HNMT: variants seen among roughly 807,000 people sequenced by gnomAD.
The protein encoded by HNMT is histamine N-methyltransferase.
HNMT carries 30 observed loss-of-function variants against 32.1 expected under a neutral mutation model. The observed-to-expected ratio is 0.93, with a 90% confidence interval of 0.70 to 1.27. HNMT has a LOEUF of 1.27. Among genes scored for constraint, HNMT ranks in the 50% most tolerant of loss-of-function variants. HNMT has a pLI of 0.00. For synonymous variants in HNMT, 125 were observed against 119.0 expected, an observed-to-expected ratio of 1.05 and a Z score of -0.33; for missense variants, 327 against 346.0, an observed-to-expected ratio of 0.95 and a Z score of 0.43.
rs780303261 is a variant in HNMT, at chr2:137,964,496, C to T, written c.5C>T (p.Ala2Val). Residue 2 changes from alanine (A) to valine (V), a missense_variant, in exon 1 of 6, where the codon GCA becomes GTA. Coordinates refer to ENST00000280097, the MANE Select transcript of HNMT (RefSeq NM_006895.3). M[A>V]SSMRSLFSDH... ...GTCTTTCTCAGAAAACCAAATATGG[C>T]ATCTTCCATGAGGAGCTTGTTTTCT... 1 of 1,612,396 alleles carries T rather than the reference C, an allele frequency of 6.2e-7. No homozygotes were observed. The highest frequency in any genetic ancestry group is 2.2e-5 in the East Asian group (1 of 44,756).
Position 137,984,857 on chromosome 2 carries a change from G to A in HNMT, c.190+14640G>A, listed in dbSNP as rs547946289. On this transcript the variant is annotated intron_variant, in intron 2 of 5. Transcript: ENST00000280097. ...AGTTATATTTTCCCATTTTGTAGAT[G>A]AGCAAATGAGTTCAGGAGAGATTTA... Among the ~76,000 whole-genome samples the A allele has an allele frequency of 1.4e-4, 21 of 152,190 alleles. 1 individual carries two copies. The highest frequency in any genetic ancestry group is 4.8e-4 in the African/African-American group (20 of 41,540).
At chr2:137,998,226 A>T (rs1249150063) in intron 2 of HNMT, among the ~76,000 whole-genome samples, 2 of 152,230 alleles carry the variant, frequency 1.3e-5, no homozygotes, top group Non-Finnish European at 2.9e-5. Context: ...TTAGAGAATT[A>T]GTTGGAAAGA....
chr2:138,013,463 A>G (rs924326345), intron 5 of HNMT, among the ~76,000 whole-genome samples: 1 of 152,030 alleles, frequency 6.6e-6, no homozygotes, highest in Non-Finnish European at 1.5e-5. Context: ...TCCCCCTGAT[A>G]TCTCCATGTC....
At chr2:137,990,911 C>T (rs923031527) in intron 2 of HNMT, among the ~76,000 whole-genome samples, 8 of 152,072 alleles carry the variant, frequency 5.3e-5, no homozygotes, top group African/African-American at 1.9e-4. Context: ...AATGTCAGAT[C>T]CCACAGGTTG....
chr2:137,995,116 C>G (rs1252494667), intron 2 of HNMT, among the ~76,000 whole-genome samples: 1 of 151,398 alleles, frequency 6.6e-6, no homozygotes, highest in African/African-American at 2.4e-5. Context: ...GTTATAGAGG[C>G]AAGAACAAAT....
At chr2:137,977,475 G>T (rs773507675) in intron 2 of HNMT, among the ~76,000 whole-genome samples, 24 of 152,064 alleles carry the variant, frequency 1.6e-4, no homozygotes, top group Non-Finnish European at 1.2e-4. Context: ...GATTGGGGGG[G>T]TTGCAGGGAT....
At chr2:137,997,872 G>C (rs1681043262) in intron 2 of HNMT, among the ~76,000 whole-genome samples, 2 of 152,140 alleles carry the variant, frequency 1.3e-5, no homozygotes, top group Non-Finnish European at 2.9e-5. Flanking sequence ...CCTTCACAGG[G>C]ACATGGATGA....
chr2:137,979,731 C>T (rs1680427887), intron 2 of HNMT, among the ~76,000 whole-genome samples: 2 of 151,944 alleles, frequency 1.3e-5, no homozygotes, highest in African/African-American at 2.4e-5. Context: ...AATAATCTCA[C>T]CTAGATAGAC....
At chr2:137,980,874 A>G (rs1251812280) in intron 2 of HNMT, among the ~76,000 whole-genome samples, 1 of 152,172 alleles carries the variant, frequency 6.6e-6, no homozygotes, top group Non-Finnish European at 1.5e-5. Flanking sequence ...AAAGAGAAGT[A>G]AAGAAAAGAA....
chr2:137,981,501 C>T, intron 2 of HNMT: 1 of 784,264 alleles, frequency 1.3e-6, no homozygotes, highest in Non-Finnish European at 2.1e-6. Flanking sequence ...CTTTGGTTTT[C>T]TCCGTGGGAC....
chr2:137,990,970 T>A (rs1314161800), intron 2 of HNMT, among the ~76,000 whole-genome samples: 1 of 152,196 alleles, frequency 6.6e-6, no homozygotes, highest in Non-Finnish European at 1.5e-5. Context: ...AGTTGCAAGT[T>A]TGGGCCTCCA....
Position 138,014,594 on chromosome 2 carries a change from T to C in HNMT, c.*464T>C, listed in dbSNP as rs374217730. 9.1e-5 allele frequency: 14 copies of C among 153,046 alleles called. No individual in the cohort carries two copies. Among genetic ancestry groups the C allele is most frequent in the African/African-American group, 3.1e-4 (13 of 41,474 alleles). The allele number at this position is 153,046 out of a possible 1,614,324, so 9.5% of individuals were successfully genotyped here. On this transcript the variant is annotated 3_prime_UTR_variant, in exon 6 of 6. Transcript: ENST00000280097. Reference sequence around the variant, plus strand: ...GTACGTTCTTCTATTGTGCTTTCTATCTAATTTTTATTAATTTGTAAGAGT... The same window carrying C: ...GTACGTTCTTCTATTGTGCTTTCTACCTAATTTTTATTAATTTGTAAGAGT...
rs1681646327 is a variant in HNMT at position 138,015,865 on chromosome 2, A to G, written c.*1735A>G. 6.6e-6 allele frequency: 1 copy of G among 152,204 alleles called. No individual in the cohort carries two copies. Among genetic ancestry groups the G allele is most frequent in the African/African-American group, 2.4e-5 (1 of 41,464 alleles). 9.4% of individuals were successfully genotyped at this position (152,204 alleles called of 1,614,324 possible). On this transcript the variant is annotated 3_prime_UTR_variant, in exon 6 of 6. Transcript: ENST00000280097. The stretch of plus-strand genomic sequence containing the variant: ...GAAAGATACAAAAGAATTGCAGTCC[A>G]TAGATTGGTGTTTGTAAATATGGCC...
At chr2:137,965,329 A>G (rs1679924108) in intron 1 of HNMT, among the ~76,000 whole-genome samples, 1 of 152,170 alleles carries the variant, frequency 6.6e-6, no homozygotes, top group Admixed American at 6.5e-5. Flanking sequence ...AAAGATAATC[A>G]AATCACCTAT....
At chr2:138,001,256 T>A (rs1681161816) in intron 3 of HNMT, among the ~76,000 whole-genome samples, 1 of 152,192 alleles carries the variant, frequency 6.6e-6, no homozygotes, top group Non-Finnish European at 1.5e-5. Context: ...TTGTCATCAA[T>A]GATTACCTTT....
intron 2 of HNMT, among the ~76,000 whole-genome samples, chr2:137,970,933 AAAAGAAAG>A (rs779617692): frequency 0.47 from 40,000 of 85,400 alleles, 7,881 homozygotes; most frequent in South Asian, 0.57. Context: ...AAAAAAAAAA[AAAAGAAAG>A]AAAGAAAGAA....
intron 2 of HNMT, among the ~76,000 whole-genome samples, chr2:137,984,921 A>G (rs951047360): frequency 2.6e-5 from 4 of 152,176 alleles, no homozygotes; most frequent in African/African-American, 7.2e-5. Context: ...TGGTAGCACT[A>G]TAAGGATAAA....
At chr2:137,971,282 C>A (rs1466843149) in intron 2 of HNMT, among the ~76,000 whole-genome samples, 1 of 152,006 alleles carries the variant, frequency 6.6e-6, no homozygotes, top group Non-Finnish European at 1.5e-5. Context: ...CGGGTTCAAG[C>A]AATTCTCCTC....
chr2:138,009,755 C>T (rs1411428000), intron 5 of HNMT, among the ~76,000 whole-genome samples: 2 of 152,028 alleles, frequency 1.3e-5, no homozygotes, highest in Non-Finnish European at 2.9e-5. Context: ...AATGATGTAG[C>T]TTCAAATCCC....
Sources: gnomAD v4.1 joint callset for allele counts (sites outside exome capture counted in the v4.1 genomes callset) on GRCh38, gnomAD v4.1.1 for gene constraint, MANE v1.5 for transcripts, NCBI Gene and HGNC (gene_info 2026-07-23, HGNC 2026-07-21) for gene names.